Variants in RYR3 observed in about 807,000 individuals in gnomAD.
RYR3 encodes the protein ryanodine receptor 3.
RYR3 carries 207 observed loss-of-function variants against 584.3 expected under a neutral mutation model. That is an observed-to-expected ratio of 0.35 (90% CI 0.32 to 0.40). The LOEUF (loss-of-function observed/expected upper bound fraction) is 0.40, where lower values mean the gene tolerates loss of function less well. Ranked by LOEUF, RYR3 falls within the 10% of genes least tolerant of loss-of-function variation. RYR3 has a pLI of 1.00. For missense variants in RYR3, 5,616 were observed against 6,089.2 expected, an observed-to-expected ratio of 0.92 and a Z score of 2.59; for synonymous variants, 2,416 against 2,248.5, an observed-to-expected ratio of 1.07 and a Z score of -2.11.
At chr15:33,350,457 A>AT (rs1486806406) in intron 1 of RYR3, among the ~76,000 whole-genome samples, 1 of 151,534 alleles carries the variant, frequency 6.6e-6, no homozygotes, top group Non-Finnish European at 1.5e-5. Flanking sequence ...CAGAATATAC[A>AT]TTTTTTTCAG....
Position 33,660,347 on chromosome 15 carries a change from A to G in RYR3, c.4546A>G (p.Ser1516Gly). 3 of 1,592,630 alleles carry G rather than the reference A, an allele frequency of 1.9e-6. No individual in the cohort carries two copies. The highest frequency in any genetic ancestry group is 2.6e-6 in the Non-Finnish European group (3 of 1,169,982). The change falls in exon 34 of 104, where the codon AGC (serine) becomes GGC (glycine). Residue 1516 changes from serine to glycine, a missense_variant. By Grantham distance (56) the Ser-to-Gly change is moderately conservative. Around this residue, in one of 9 missense-constraint regions of RYR3, gnomAD observed 753 missense variants for 741.0 expected, o/e 1.02. Coordinates refer to ENST00000634891, the MANE Select transcript of RYR3 (RefSeq NM_001036.6). The part of the protein sequence containing the change: ...SFLKVETERV[S>G]ERHGWVVQCL... ...CCTGAAGGTGGAGACCGAGCGTGTG[A>G]GCGAGCGCCACGGCTGGGTGGTGCA... is the stretch of plus-strand genomic sequence containing the variant.
intron 64 of RYR3, among the ~76,000 whole-genome samples, chr15:33,779,826 C>T (rs1278657165): frequency 2.9e-5 from 4 of 139,228 alleles, no homozygotes; most frequent in Non-Finnish European, 6.3e-5. Flanking sequence ...CATGGCGAAA[C>T]CCCGTCTCTA....
intron 43 of RYR3, among the ~76,000 whole-genome samples, chr15:33,708,609 C>G (rs192716394): frequency 1.3e-5 from 2 of 152,104 alleles, no homozygotes; most frequent in Admixed American, 1.3e-4. Context: ...GCAAACTGGC[C>G]CATCAATAGA....
rs10647466 is a variant in RYR3, at chr15:33,450,087, T to TAAAAAAAAAA, written c.52-23317_52-23308dup. 6.0e-3 allele frequency among the ~76,000 whole-genome samples: 404 copies of TAAAAAAAAAA among 67,276 alleles called. 79 individuals carry two copies. Among genetic ancestry groups the TAAAAAAAAAA allele is most frequent in the Middle Eastern group, 0.023 (2 of 88 alleles). 44.1% of individuals were successfully genotyped at this position (67,276 alleles called of 152,430 possible). A position where few individuals can be genotyped will look rare whatever the true frequency, so the allele number is the denominator to read the frequency against. On this transcript the variant is annotated intron_variant, in intron 1 of 103. Coordinates refer to ENST00000634891, the MANE Select transcript of RYR3 (RefSeq NM_001036.6). ...TTACTGCGGCTAGAGCATTAATACC[T>TAAAAAAAAAA]AAAAAAAAAAAAAAAAAAAAAAAAG...
chr15:33,350,253 C>T (rs1348425526), intron 1 of RYR3, among the ~76,000 whole-genome samples: 4 of 152,096 alleles, frequency 2.6e-5, no homozygotes, highest in African/African-American at 9.7e-5. Flanking sequence ...CACCCAGATT[C>T]ATAAAGCAAG....
chr15:33,440,383 A>G (rs1157982698), intron 1 of RYR3, among the ~76,000 whole-genome samples: 3 of 152,322 alleles, frequency 2.0e-5, no homozygotes, highest in Non-Finnish European at 1.5e-5. Flanking sequence ...CTTTGAGGCA[A>G]TCATCATAGC....
chr15:33,855,101 C>G (rs2079510588), intron 98 of RYR3, among the ~76,000 whole-genome samples, 189 bp downstream of exon 98: 1 of 152,124 alleles, frequency 6.6e-6, no homozygotes, highest in African/African-American at 2.4e-5. Context: ...GTAACTGCAA[C>G]CATCATCTAA....
Position 33,724,078 on chromosome 15 carries a change from G to A in RYR3, c.6814G>A (p.Asp2272Asn), listed in dbSNP as rs771479235. 1.3e-5 allele frequency: 21 copies of A among 1,607,540 alleles called. No homozygotes were observed. Among genetic ancestry groups the A allele is most frequent in the Middle Eastern group, 1.6e-4 (1 of 6,072 alleles). ...TGGTTCTCTCAGCAGCACGGGGGAC[G>A]ATGAAGAGGAAGAAGAAATCGTGCA... ...GYKREVSTGDDEEEEEIVHMG... is the reference protein window; with the variant it reads ...GYKREVSTGDNEEEEEIVHMG... Residue 2272 changes from aspartate (D) to asparagine (N), a missense_variant, in exon 45 of 104, where the codon GAT (aspartate) becomes AAT (asparagine). Around this residue, in one of 9 missense-constraint regions of RYR3, gnomAD observed 1,280 missense variants for 1,426.2 expected, o/e 0.90. Coordinates refer to ENST00000634891, the MANE Select transcript of RYR3 (RefSeq NM_001036.6).
intron 1 of RYR3, among the ~76,000 whole-genome samples, chr15:33,403,531 A>G (rs561846430): frequency 1.3e-5 from 2 of 152,364 alleles, no homozygotes; most frequent in African/African-American, 2.4e-5. Flanking sequence ...CAGACTAAAT[A>G]TAAATATCCT....
intron 38 of RYR3, among the ~76,000 whole-genome samples, chr15:33,691,659 C>T (rs2065444586): frequency 6.6e-6 from 1 of 152,192 alleles, no homozygotes; most frequent in Non-Finnish European, 1.5e-5. Flanking sequence ...AAACACTGAA[C>T]TTTAATACAT....
chr15:33,442,458 A>T (rs978371098), intron 1 of RYR3, among the ~76,000 whole-genome samples: 1 of 152,230 alleles, frequency 6.6e-6, no homozygotes, highest in Admixed American at 6.5e-5. Flanking sequence ...CTAAAATTTG[A>T]AAAGAAACAA....
chr15:33,835,427 T>C (rs941898320), intron 87 of RYR3, among the ~76,000 whole-genome samples: 4 of 152,310 alleles, frequency 2.6e-5, no homozygotes, highest in South Asian at 2.1e-4. Flanking sequence ...TTGTCCCATG[T>C]TGCATGTCTC....
At chr15:33,593,517 T>A (rs1266960357) in intron 16 of RYR3, among the ~76,000 whole-genome samples, 1 of 152,116 alleles carries the variant, frequency 6.6e-6, no homozygotes, top group Non-Finnish European at 1.5e-5. Context: ...GTCCATACAT[T>A]AGTAGGCAGG....
intron 43 of RYR3, among the ~76,000 whole-genome samples, chr15:33,720,981 C>T (rs961013030): frequency 6.6e-6 from 1 of 152,200 alleles, no homozygotes; most frequent in African/African-American, 2.4e-5. Context: ...TCTATAAATT[C>T]TTTGATGCTC....
In RYR3 at chr15:33,854,457, C is replaced by T; in HGVS notation, c.13860+8C>T. ...GTTGTTTTTACTGACAACGTAAGTA[C>T]TGCACCTGGAAAAACAAAATTCTAT... On this transcript the variant is annotated splice_region_variant and intron_variant, in intron 97 of 103. Transcript: ENST00000634891. 6.4e-7 allele frequency: 1 copy of T among 1,558,112 alleles called. No homozygotes were observed. Among genetic ancestry groups the T allele is most frequent in the Non-Finnish European group, 8.7e-7 (1 of 1,151,990 alleles).
chr15:33,531,673 G>A (rs892776), intron 4 of RYR3, among the ~76,000 whole-genome samples: 131,670 of 151,726 alleles, frequency 0.87, 57,825 homozygotes, highest in Middle Eastern at 0.97. Context: ...ACTGGTAAGA[G>A]GCTGACCTTT....
intron 14 of RYR3, among the ~76,000 whole-genome samples, chr15:33,583,605 T>C (rs569183527): frequency 6.6e-6 from 1 of 152,306 alleles, no homozygotes; most frequent in East Asian, 1.9e-4. Context: ...AGTGAGTCAA[T>C]ACTAGATTTT....
intron 48 of RYR3, among the ~76,000 whole-genome samples, chr15:33,733,914 C>A (rs2069174638): frequency 6.6e-6 from 1 of 152,112 alleles, no homozygotes; most frequent in Admixed American, 6.5e-5. Context: ...AAGCCTGTTA[C>A]AAAACAGTTT....
intron 31 of RYR3, among the ~76,000 whole-genome samples, chr15:33,651,983 G>A (rs183069304): frequency 1.7e-3 from 265 of 152,270 alleles, no homozygotes; most frequent in African/African-American, 6.3e-3. Context: ...TCCTACAATT[G>A]GGGAATCAGG....
Sources: allele counts gnomAD v4.1 joint callset (sites outside exome capture counted in the v4.1 genomes callset), GRCh38; gene constraint gnomAD v4.1.1; regional missense constraint gnomAD v4.1.1; transcripts MANE v1.5; gene names NCBI Gene and HGNC (gene_info 2026-07-23, HGNC 2026-07-21).